Variants in XRCC4 observed in about 807,000 individuals in gnomAD.
XRCC4 encodes X-ray repair cross complementing 4, also known as DNA repair protein XRCC4.
XRCC4 carries 28 observed loss-of-function variants against 39.1 expected under a neutral mutation model. The observed-to-expected ratio is 0.72, with a 90% confidence interval of 0.53 to 0.98. XRCC4 has a LOEUF of 0.98. XRCC4 is among the 50% of genes least tolerant of loss of function. XRCC4 has a pLI of 0.00. For synonymous variants in XRCC4, 123 were observed against 126.4 expected (o/e 0.97, Z 0.18); for missense variants, 350 against 376.4 (o/e 0.93, Z 0.58).
At chr5:83,348,223 A>C (rs1756975883) in intron 7 of XRCC4, among the ~76,000 whole-genome samples, 1 of 152,124 alleles carries the variant, frequency 6.6e-6, no homozygotes, top group Non-Finnish European at 1.5e-5. Context: ...TCACAGTTCC[A>C]TTAGGCAGTG....
At chr5:83,204,762 G>A in intron 5 of XRCC4, 53 bp from the exon 6 acceptor site, 1 of 1,366,014 alleles carries the variant, frequency 7.3e-7, no homozygotes, top group Non-Finnish European at 1.0e-6. Flanking sequence ...TAAATCTGCT[G>A]CCTAGCAGGG....
intron 7 of XRCC4, among the ~76,000 whole-genome samples, chr5:83,263,504 CTGT>C (rs1370216013): frequency 3.3e-4 from 50 of 150,768 alleles, no homozygotes; most frequent in South Asian, 1.9e-3. Context: ...TCTCCAGCAC[CTGT>C]TGTTTCCTGA....
chr5:83,286,106 A>G (rs903206174), intron 7 of XRCC4, among the ~76,000 whole-genome samples: 2 of 152,100 alleles, frequency 1.3e-5, no homozygotes, highest in African/African-American at 4.8e-5. Flanking sequence ...ATTTGGCACA[A>G]CACATCTCTG....
intron 3 of XRCC4, among the ~76,000 whole-genome samples, chr5:83,164,764 T>G (rs1400632198): frequency 6.6e-6 from 1 of 152,128 alleles, no homozygotes; most frequent in Non-Finnish European, 1.5e-5. Flanking sequence ...AACCAAATTT[T>G]TTTCTCTCAG....
At chr5:83,260,206 T>C (rs1753702978) in intron 7 of XRCC4, among the ~76,000 whole-genome samples, 1 of 152,124 alleles carries the variant, frequency 6.6e-6, no homozygotes, top group South Asian at 2.1e-4. Context: ...TAGTGTGATC[T>C]CTTTTATACG....
intron 6 of XRCC4, among the ~76,000 whole-genome samples, chr5:83,240,962 G>A (rs769343403): frequency 1.3e-5 from 2 of 152,162 alleles, no homozygotes; most frequent in South Asian, 2.1e-4. Flanking sequence ...AGGGCCAGGC[G>A]CGGTGGCTCA....
chr5:83,300,478 A>T (rs1208019473), intron 7 of XRCC4, among the ~76,000 whole-genome samples: 1 of 151,938 alleles, frequency 6.6e-6, no homozygotes, highest in East Asian at 1.9e-4. Flanking sequence ...TATAACATAG[A>T]ATAACCTTAT....
At chr5:83,154,226 A>T (rs16900195) in intron 3 of XRCC4, among the ~76,000 whole-genome samples, 1 of 152,276 alleles carries the variant, frequency 6.6e-6, no homozygotes, top group Admixed American at 6.5e-5. Flanking sequence ...GAAGATGTCA[A>T]TATGGAATTA....
chr5:83,090,522 A>G (rs889647472), intron 1 of XRCC4, among the ~76,000 whole-genome samples: 1 of 152,176 alleles, frequency 6.6e-6, no homozygotes, highest in Admixed American at 6.5e-5. Context: ...GTCTATCAGC[A>G]GTGTGAAAAT....
At chr5:83,328,921 G>GT (rs1481676368) in intron 7 of XRCC4, among the ~76,000 whole-genome samples, 1 of 151,918 alleles carries the variant, frequency 6.6e-6, no homozygotes, top group Non-Finnish European at 1.5e-5. Flanking sequence ...TGACAATTGA[G>GT]TTTTTTATTT....
At chr5:83,358,663 A>C (rs576247532), downstream of XRCC4, among the ~76,000 whole-genome samples, 1 of 152,338 alleles carries the variant, frequency 6.6e-6, no homozygotes, top group African/African-American at 2.4e-5. Context: ...AATATAGACC[A>C]GTCTTGAACA....
At chr5:83,206,087 C>T (rs1251566016) in intron 6 of XRCC4, among the ~76,000 whole-genome samples, 4 of 152,000 alleles carry the variant, frequency 2.6e-5, no homozygotes, top group African/African-American at 9.6e-5. Flanking sequence ...TATAGGCTAC[C>T]ATTAGAACTT....
At chr5:83,102,945 T>C (rs893687186) in intron 1 of XRCC4, among the ~76,000 whole-genome samples, 7 of 149,640 alleles carry the variant, frequency 4.7e-5, no homozygotes, top group Non-Finnish European at 8.9e-5. Flanking sequence ...ACCTCTGTTT[T>C]TTATTCATAC....
chr5:83,270,940 C>T (rs1459137192), intron 7 of XRCC4, among the ~76,000 whole-genome samples: 1 of 151,924 alleles, frequency 6.6e-6, no homozygotes, highest in African/African-American at 2.4e-5. Context: ...CGCCCGCCAC[C>T]ATGCCCAGCT....
chr5:83,310,527 C>A (rs1365048824), intron 7 of XRCC4, among the ~76,000 whole-genome samples: 1 of 152,172 alleles, frequency 6.6e-6, no homozygotes, highest in East Asian at 1.9e-4. Context: ...ACAGAATAAG[C>A]TTCCCCATCT....
intron 7 of XRCC4, among the ~76,000 whole-genome samples, chr5:83,311,469 T>A (rs1462415701): frequency 6.6e-6 from 1 of 152,250 alleles, no homozygotes; most frequent in East Asian, 1.9e-4. Context: ...ATCACATGTA[T>A]ACCCAAAATA....
intron 7 of XRCC4, among the ~76,000 whole-genome samples, chr5:83,311,280 C>T (rs540372418): frequency 8.6e-5 from 13 of 151,270 alleles, no homozygotes; most frequent in African/African-American, 2.5e-4. Context: ...AGAAATAAGA[C>T]GTAGTGATCA....
At chr5:83,094,639 T>C (rs1745592473) in intron 1 of XRCC4, among the ~76,000 whole-genome samples, 1 of 151,844 alleles carries the variant, frequency 6.6e-6, no homozygotes, top group African/African-American at 2.4e-5. Flanking sequence ...TCATGTATTT[T>C]CAAAATTTAA....
intron 7 of XRCC4, among the ~76,000 whole-genome samples, chr5:83,341,960 G>A (rs980796508): frequency 8.5e-5 from 13 of 152,150 alleles, no homozygotes; most frequent in Non-Finnish European, 1.6e-4. Context: ...GGGAAGTTTC[G>A]TTTGTAGCAC....
Sources: allele counts gnomAD v4.1 joint callset (sites outside exome capture counted in the v4.1 genomes callset), GRCh38; gene constraint gnomAD v4.1.1; transcripts MANE v1.5; gene names NCBI Gene and HGNC (gene_info 2026-07-23, HGNC 2026-07-21).